Variants in SLC2A13 observed in about 807,000 individuals in gnomAD.
The protein encoded by SLC2A13 is solute carrier family 2 member 13.
A neutral mutation model predicts 64.4 loss-of-function variants in SLC2A13; 32 were observed. The ratio of observed to expected loss-of-function variants is 0.50; its 90% CI spans 0.37 to 0.67. The LOEUF is 0.67. Ranked by LOEUF, SLC2A13 falls within the 30% of genes least tolerant of loss-of-function variation. The pLI is 0.00. For synonymous variants in SLC2A13, 338 were observed against 327.1 expected (o/e 1.03, Z -0.36); for missense variants, 743 against 829.2 (o/e 0.90, Z 1.28).
intron 4 of SLC2A13, among the ~76,000 whole-genome samples, chr12:39,911,192 T>C (rs1945422277): frequency 6.6e-6 from 1 of 152,120 alleles, no homozygotes; most frequent in Non-Finnish European, 1.5e-5. Flanking sequence ...GACACAGCAT[T>C]TAACAGAGTG....
intron 4 of SLC2A13, among the ~76,000 whole-genome samples, chr12:39,935,584 C>T (rs532634461): frequency 3.3e-5 from 5 of 152,228 alleles, no homozygotes; most frequent in East Asian, 1.9e-4. Context: ...AGTATGTGTA[C>T]GGTCTTTTGG....
At chr12:39,901,894 T>C (rs566249637) in intron 4 of SLC2A13, among the ~76,000 whole-genome samples, 2 of 151,584 alleles carry the variant, frequency 1.3e-5, no homozygotes, top group Admixed American at 6.6e-5. Flanking sequence ...CATGCACACG[T>C]ATGTTTATTG....
At chr12:39,797,746 A>G (rs74086711) in intron 7 of SLC2A13, among the ~76,000 whole-genome samples, 3,653 of 38,652 alleles carry the variant, frequency 0.095, 116 homozygotes, top group South Asian at 0.18. Context: ...ACACACACAC[A>G]CACACACACA....
chr12:39,919,197 G>T (rs932704921), intron 4 of SLC2A13, among the ~76,000 whole-genome samples: 3 of 151,970 alleles, frequency 2.0e-5, no homozygotes, highest in African/African-American at 7.3e-5. Flanking sequence ...CCAAAATGCT[G>T]GGATTCCTGG....
At chr12:39,981,588 C>T (rs1230550855) in intron 3 of SLC2A13, among the ~76,000 whole-genome samples, 1 of 150,668 alleles carries the variant, frequency 6.6e-6, no homozygotes, top group African/African-American at 2.4e-5. Flanking sequence ...GAAATGGATA[C>T]ATTCCTCGAC....
Position 39,930,562 on chromosome 12 carries a change from A to T in SLC2A13, c.1034+20695T>A, listed in dbSNP as rs183363050. 3.9e-5 allele frequency among the ~76,000 whole-genome samples: 6 copies of T among 152,314 alleles called. No homozygotes were observed. In the East Asian group the frequency reaches 1.2e-3, roughly 29 times the overall value. ...AATTATACATATTTTTCACTTAAAA[A>T]TACAGTTGTTAATACTGAAAGAAAA... On this transcript the variant is annotated intron_variant, in intron 4 of 9. Coordinates refer to ENST00000280871, the MANE Select transcript of SLC2A13 (RefSeq NM_052885.4).
At chr12:39,857,915 T>A (rs1187104951) in intron 6 of SLC2A13, among the ~76,000 whole-genome samples, 2 of 152,222 alleles carry the variant, frequency 1.3e-5, no homozygotes, top group African/African-American at 4.8e-5. Flanking sequence ...TGAGTCCTCC[T>A]TCTTGTCTTT....
At chr12:39,896,180 ATAT>A (rs1225357545) in intron 4 of SLC2A13, among the ~76,000 whole-genome samples, 1 of 148,680 alleles carries the variant, frequency 6.7e-6, no homozygotes, top group Admixed American at 6.7e-5. Flanking sequence ...ATGAATATGT[ATAT>A]ATGTATATAT....
intron 1 of SLC2A13, among the ~76,000 whole-genome samples, chr12:40,051,030 ATTCT>A (rs1948245128): frequency 6.6e-6 from 1 of 152,186 alleles, no homozygotes; most frequent in African/African-American, 2.4e-5. Flanking sequence ...AGGCATCCCA[ATTCT>A]TTCTATAGTA....
At chr12:39,833,018 C>A (rs1469267012) in intron 6 of SLC2A13, among the ~76,000 whole-genome samples, 1 of 151,956 alleles carries the variant, frequency 6.6e-6, no homozygotes, top group Non-Finnish European at 1.5e-5. Context: ...TTTCTTAGCC[C>A]CCTGATTTCT....
intron 4 of SLC2A13, among the ~76,000 whole-genome samples, chr12:39,923,622 T>C (rs1195229650): frequency 1.3e-5 from 2 of 151,258 alleles, no homozygotes; most frequent in African/African-American, 4.9e-5. Flanking sequence ...TGACACTGAA[T>C]TGTACGCTCA....
chr12:39,853,316 T>G (rs1244900810), intron 6 of SLC2A13, among the ~76,000 whole-genome samples: 1 of 152,158 alleles, frequency 6.6e-6, no homozygotes, highest in Non-Finnish European at 1.5e-5. Context: ...GTGATCTAAG[T>G]GCTGTTTGGC....
At chr12:40,000,094 C>G (rs183832087) in intron 3 of SLC2A13, among the ~76,000 whole-genome samples, 1 of 152,276 alleles carries the variant, frequency 6.6e-6, no homozygotes, top group Admixed American at 6.5e-5. Context: ...AAAATGGGAG[C>G]TCCCCTGCAC....
intron 7 of SLC2A13, among the ~76,000 whole-genome samples, chr12:39,825,216 TAGTC>T (rs754199192): frequency 5.2e-4 from 79 of 152,262 alleles, no homozygotes; most frequent in East Asian, 9.6e-4. Context: ...CTATTTTAAA[TAGTC>T]AGGAGGTTTG....
In SLC2A13 at chr12:40,016,460, CA is replaced by C. The variant is rs1453810503; in HGVS notation, c.925+11840del. Among the ~76,000 whole-genome samples the C allele has an allele frequency of 3.3e-5, 5 of 152,106 alleles. No individual in the cohort carries two copies. In the East Asian group the frequency reaches 9.6e-4, roughly 29 times the overall value. ...AACTAGCTAATGAGAGTAGCAGAAACAAAACAAACACCAAATTTCACATCTA... is the reference window on the plus strand; with the variant it reads ...AACTAGCTAATGAGAGTAGCAGAAACAAACAAACACCAAATTTCACATCTA... On this transcript the variant is annotated intron_variant, in intron 3 of 9. Transcript: ENST00000280871.
intron 3 of SLC2A13, among the ~76,000 whole-genome samples, chr12:39,977,180 T>C (rs1181135115): frequency 6.6e-6 from 1 of 152,160 alleles, no homozygotes; most frequent in African/African-American, 2.4e-5. Flanking sequence ...TCTGCAGTGC[T>C]CCCTAAGAGG....
chr12:40,089,478 C>A (rs1171776933), intron 1 of SLC2A13, among the ~76,000 whole-genome samples: 1 of 152,100 alleles, frequency 6.6e-6, no homozygotes, highest in East Asian at 1.9e-4. Context: ...TTGATGAAAC[C>A]ATTTCTCAAT....
intron 6 of SLC2A13, among the ~76,000 whole-genome samples, chr12:39,858,400 A>T (rs532800364): frequency 6.6e-6 from 1 of 152,280 alleles, no homozygotes; most frequent in East Asian, 1.9e-4. Context: ...AGCTTGTGCC[A>T]CCATGCCAAA....
intron 7 of SLC2A13, among the ~76,000 whole-genome samples, chr12:39,799,254 C>CTTTTTT (rs377069679): frequency 1.8e-5 from 2 of 113,290 alleles, no homozygotes; most frequent in African/African-American, 3.5e-5. Context: ...TATGCTTAGC[C>CTTTTTT]TTTTTTTTTT....
Sources: gnomAD v4.1 joint callset for allele counts (sites outside exome capture counted in the v4.1 genomes callset) on GRCh38, gnomAD v4.1.1 for gene constraint, MANE v1.5 for transcripts, NCBI Gene and HGNC (gene_info 2026-07-23, HGNC 2026-07-21) for gene names.